The following KIRREL3 variants were observed in gnomAD, a reference collection of about 807,000 sequenced individuals.
KIRREL3 encodes kirre like nephrin family adhesion molecule 3.
Under a neutral mutation model 89.7 loss-of-function variants are expected in KIRREL3, and 36 were observed. The ratio of observed to expected loss-of-function variants is 0.40; its 90% CI spans 0.31 to 0.53. The LOEUF (loss-of-function observed/expected upper bound fraction) is 0.53. Ranked by LOEUF, KIRREL3 falls within the 20% of genes least tolerant of loss-of-function variation. KIRREL3 has a pLI of 0.49. For synonymous variants in KIRREL3, 445 were observed against 441.4 expected, an observed-to-expected ratio of 1.01 and a Z score of -0.10; for missense variants, 864 against 1,056.6, an observed-to-expected ratio of 0.82 and a Z score of 2.53.
rs1316677633 is a variant in KIRREL3, at chr11:126,522,081, G to A, written c.284-617C>T. The stretch of plus-strand genomic sequence containing the variant: ...TGTTGGTTTCAAGTTTAGGAAAATC[G>A]GAGGAGCCACTGTTAGAAAGGAAAG... On this transcript the variant is annotated intron_variant, in intron 3 of 16. Coordinates refer to ENST00000525144, the MANE Select transcript of KIRREL3 (RefSeq NM_032531.4). This position sits in a 1 kb window ranked among gnomAD's most constrained non-coding sequence, Gnocchi z 6.0. Among the ~76,000 whole-genome samples, 2 of 152,052 alleles carry A rather than the reference G, an allele frequency of 1.3e-5. No individual in the cohort carries two copies. The highest frequency in any genetic ancestry group is 1.5e-5 in the Non-Finnish European group (1 of 68,012).
chr11:126,801,561 G>A (rs1413249366), intron 1 of KIRREL3, among the ~76,000 whole-genome samples: 4 of 152,166 alleles, frequency 2.6e-5, no homozygotes, highest in African/African-American at 2.4e-5. Flanking sequence ...TGCAAAGAGC[G>A]CATGGTTTGC....
In KIRREL3 at chr11:126,719,183, G is replaced by A. The variant is rs931080201; in HGVS notation, c.56-156271C>T. Among the ~76,000 whole-genome samples, 5 of 152,044 alleles carry A rather than the reference G, an allele frequency of 3.3e-5. No homozygotes were observed. Among genetic ancestry groups the A allele is most frequent in the Admixed American group, 2.0e-4 (3 of 15,264 alleles). On this transcript the variant is annotated intron_variant, in intron 1 of 16. Coordinates refer to ENST00000525144, the MANE Select transcript of KIRREL3 (RefSeq NM_032531.4). This position sits in a 1 kb window ranked among gnomAD's most constrained non-coding sequence, Gnocchi z 4.7. ...GACACTCGGTAACCCACTTATTCTGGTTTTGTCTCAAATCTAAAAATACGC... is the reference window on the plus strand; with the variant it reads ...GACACTCGGTAACCCACTTATTCTGATTTTGTCTCAAATCTAAAAATACGC...
intron 5 of KIRREL3, among the ~76,000 whole-genome samples, chr11:126,464,218 A>G (rs546056368): frequency 7.9e-5 from 12 of 151,994 alleles, no homozygotes; most frequent in Non-Finnish European, 1.3e-4. Context: ...GAAGAAGAGA[A>G]GAGAGTCTGC....
rs896428643 is a variant in KIRREL3, at chr11:126,948,193, G to A, written c.55+52262C>T. ...CAACTTAAAGTATAATACCTACCAC[G>A]CTTGATGTCTTTCTCCTTTGATTTA... is the stretch of plus-strand genomic sequence containing the variant. On this transcript the variant is annotated intron_variant, in intron 1 of 16. Transcript: ENST00000525144. This position sits in a 1 kb window ranked among gnomAD's most constrained non-coding sequence, Gnocchi z 4.5. 6.6e-6 allele frequency among the ~76,000 whole-genome samples: 1 copy of A among 152,056 alleles called. No individual in the cohort carries two copies. The highest frequency in any genetic ancestry group is 3.4e-3 in the Middle Eastern group (1 of 292).
chr11:126,707,620 G>A (rs11220587), intron 1 of KIRREL3, among the ~76,000 whole-genome samples: 30,691 of 152,074 alleles, frequency 0.2, 4,152 homozygotes, highest in South Asian at 0.48. Context: ...TCTGCTGTTC[G>A]CTGTTGGAGC....
intron 2 of KIRREL3, among the ~76,000 whole-genome samples, chr11:126,556,373 G>A (rs1479229466): frequency 6.6e-6 from 1 of 152,196 alleles, no homozygotes; most frequent in African/African-American, 2.4e-5. Context: ...GGGTGCAGAG[G>A]CTCCTGTCTG....
At chr11:126,701,849 C>T (rs1268045796) in intron 1 of KIRREL3, among the ~76,000 whole-genome samples, 4 of 152,130 alleles carry the variant, frequency 2.6e-5, no homozygotes, top group Admixed American at 2.6e-4. Flanking sequence ...AGACAACCAT[C>T]CCACAGAGGT....
chr11:126,811,270 T>C lies in KIRREL3; in HGVS notation c.55+189185A>G, dbSNP rs1293896917. On this transcript the variant is annotated intron_variant, in intron 1 of 16. Transcript: ENST00000525144. This position sits in a 1 kb window ranked among gnomAD's most constrained non-coding sequence, Gnocchi z 4.3. Reference sequence around the variant, plus strand: ...GTCCCTAGTACCCTTCCCACCCGCTTTCATCCTCTTTCTTCAGAGAGAACT... The same window carrying C: ...GTCCCTAGTACCCTTCCCACCCGCTCTCATCCTCTTTCTTCAGAGAGAACT... 1.3e-5 allele frequency among the ~76,000 whole-genome samples: 2 copies of C among 152,220 alleles called. No individual in the cohort carries two copies. Among genetic ancestry groups the C allele is most frequent in the Non-Finnish European group, 2.9e-5 (2 of 68,038 alleles).
intron 5 of KIRREL3, among the ~76,000 whole-genome samples, chr11:126,466,165 G>A (rs1362556736): frequency 6.6e-6 from 1 of 152,228 alleles, no homozygotes; most frequent in South Asian, 2.1e-4. Context: ...TCGGAATGAT[G>A]ATTAATGACA....
At chr11:126,827,586 C>A (rs1234377991) in intron 1 of KIRREL3, among the ~76,000 whole-genome samples, 1 of 152,170 alleles carries the variant, frequency 6.6e-6, no homozygotes, top group East Asian at 1.9e-4. Flanking sequence ...CGAGGATATT[C>A]ATTTGAACCA....
chr11:126,850,938 C>T (rs1019421358), intron 1 of KIRREL3, among the ~76,000 whole-genome samples: 2 of 152,206 alleles, frequency 1.3e-5, no homozygotes, highest in African/African-American at 4.8e-5. Context: ...CCAAGTCACA[C>T]ATACACTGCA....
At chr11:126,968,517 AT>A in intron 1 of KIRREL3, among the ~76,000 whole-genome samples, 1 of 152,326 alleles carries the variant, frequency 6.6e-6, no homozygotes, top group East Asian at 1.9e-4. Flanking sequence ...TGGGTCATTC[AT>A]TGCTGCCATC....
At chr11:126,529,685 TC>T (rs1287319261) in intron 2 of KIRREL3, among the ~76,000 whole-genome samples, 2 of 151,850 alleles carry the variant, frequency 1.3e-5, no homozygotes, top group Non-Finnish European at 2.9e-5. Flanking sequence ...AAAGACTGTT[TC>T]TGGGGAAGAT....
chr11:126,712,950 G>A (rs1947820117), intron 1 of KIRREL3, among the ~76,000 whole-genome samples: 1 of 152,130 alleles, frequency 6.6e-6, no homozygotes, highest in Non-Finnish European at 1.5e-5. Flanking sequence ...GGTATTAGGT[G>A]CTAGGTGTTA....
intron 1 of KIRREL3, among the ~76,000 whole-genome samples, chr11:126,971,133 G>A (rs1313522985): frequency 2.0e-5 from 3 of 152,054 alleles, no homozygotes; most frequent in Non-Finnish European, 4.4e-5. Flanking sequence ...GACTATTTAC[G>A]AGTACAAAGT....
At chr11:126,846,335 G>A (rs1342339328) in intron 1 of KIRREL3, among the ~76,000 whole-genome samples, 1 of 152,112 alleles carries the variant, frequency 6.6e-6, no homozygotes, top group Non-Finnish European at 1.5e-5. Context: ...TCTTCCATCT[G>A]TCTGTGCATT....
chr11:126,963,432 C>A (rs1244269079), intron 1 of KIRREL3, among the ~76,000 whole-genome samples: 1 of 152,042 alleles, frequency 6.6e-6, no homozygotes, highest in Admixed American at 6.6e-5. Context: ...ACTGGAAATG[C>A]ATAAAAAGTC....
intron 1 of KIRREL3, among the ~76,000 whole-genome samples, chr11:126,794,421 G>A (rs984418972): frequency 2.6e-5 from 4 of 152,136 alleles, no homozygotes; most frequent in African/African-American, 9.7e-5. Context: ...TGAGCGCTTC[G>A]TATAACCTTG....
Position 126,708,273 on chromosome 11 carries a change from G to A in KIRREL3, c.56-145361C>T, listed in dbSNP as rs951903472. On this transcript the variant is annotated intron_variant, in intron 1 of 16. Transcript: ENST00000525144. This position sits in a 1 kb window ranked among gnomAD's most constrained non-coding sequence, Gnocchi z 5.7. ...GCGGGCAAAATGAGGATGTGAAGTC[G>A]AGCATCTGAGAAGGCTCAGAAAGTC... Among the ~76,000 whole-genome samples, 7 of 152,156 alleles carry A rather than the reference G, an allele frequency of 4.6e-5. No homozygotes were observed. The highest frequency in any genetic ancestry group is 1.4e-4 in the African/African-American group (6 of 41,426).
Sources: gnomAD v4.1 joint callset for allele counts (sites outside exome capture counted in the v4.1 genomes callset) on GRCh38, gnomAD v4.1.1 for gene constraint, Gnocchi (gnomAD v3.1) non-coding constraint, MANE v1.5 for transcripts, NCBI Gene and HGNC (gene_info 2026-07-23, HGNC 2026-07-21) for gene names.